The following BTBD1 variants were observed in gnomAD, a reference collection of about 807,000 sequenced individuals.
BTBD1 encodes BTB domain containing 1, also known as BTB/POZ domain-containing protein 1.
Under a neutral mutation model 48.0 loss-of-function variants are expected in BTBD1, and 34 were observed. The observed-to-expected ratio is 0.71, with a 90% CI of 0.54 to 0.94. The LOEUF (loss-of-function observed/expected upper bound fraction) is 0.94. Ranked by LOEUF, BTBD1 falls within the 40% of genes least tolerant of loss-of-function variation. The probability of loss-of-function intolerance (pLI) is 0.00; values close to 1 mark genes in which losing one functional copy is unlikely to be tolerated. For synonymous variants in BTBD1, 261 were observed against 242.1 expected (o/e 1.08, Z -0.72); for missense variants, 543 against 625.6 (o/e 0.87, Z 1.41).
intron 1 of BTBD1, among the ~76,000 whole-genome samples, chr15:83,059,150 A>C (rs1397912661): frequency 6.6e-6 from 1 of 152,170 alleles, no homozygotes; most frequent in Non-Finnish European, 1.5e-5. Context: ...AAACTCATCT[A>C]ATTATCAGAT....
chr15:83,029,253 A>G (rs371980051), intron 5 of BTBD1, among the ~76,000 whole-genome samples: 69 of 152,356 alleles, frequency 4.5e-4, no homozygotes, highest in African/African-American at 1.6e-3. Context: ...CTGAAGTGCT[A>G]TTAAATAAAT....
Position 83,030,327 on chromosome 15 carries a change from A to T in BTBD1, c.864T>A (p.Gly288=). The T allele has an allele frequency of 6.2e-7, 1 of 1,602,888 alleles. No individual in the cohort carries two copies. The highest frequency in any genetic ancestry group is 1.1e-5 in the South Asian group (1 of 89,848). The part of the protein sequence containing the change: ...PLMTIEEFAA[G]PAQSGILSDR... ...CTGACAAAATTCCAGATTGAGCAGG[A>T]CCTGTGGAAATAAAAACATAAGCCT... The change falls in exon 5 of 8, where the codon GGT becomes GGA. Residue 288 remains glycine (G), a splice_region_variant and synonymous_variant. Coordinates refer to ENST00000261721, the MANE Select transcript of BTBD1 (RefSeq NM_025238.4).
At chr15:83,059,247 A>G (rs1411042346) in intron 1 of BTBD1, among the ~76,000 whole-genome samples, 1 of 152,130 alleles carries the variant, frequency 6.6e-6, no homozygotes, top group Non-Finnish European at 1.5e-5. Flanking sequence ...AGCTGCTCAG[A>G]TAATTAAAAC....
intron 2 of BTBD1, among the ~76,000 whole-genome samples, chr15:83,054,589 G>GTT (rs2033050188): frequency 6.9e-6 from 1 of 145,058 alleles, no homozygotes; most frequent in Non-Finnish European, 1.5e-5. Context: ...TTGAGACAGA[G>GTT]TTTCGCTCTG....
chr15:83,050,510 C>A (rs567922298), intron 2 of BTBD1, among the ~76,000 whole-genome samples: 106 of 151,296 alleles, frequency 7.0e-4, no homozygotes, highest in Middle Eastern at 3.2e-3. Flanking sequence ...CCTTAATGAA[C>A]CCTTTATGTT....
intron 2 of BTBD1, among the ~76,000 whole-genome samples, chr15:83,055,117 A>G (rs2033060978): frequency 6.6e-6 from 1 of 152,232 alleles, no homozygotes; most frequent in Non-Finnish European, 1.5e-5. Flanking sequence ...GTCTAAAAAG[A>G]AAAAAACTGT....
At chr15:83,036,806 C>T (rs563702612) in intron 4 of BTBD1, among the ~76,000 whole-genome samples, 2 of 152,170 alleles carry the variant, frequency 1.3e-5, no homozygotes, top group African/African-American at 4.8e-5. Context: ...AGAAGCCACA[C>T]AAAAATGAAT....
chr15:83,016,522 T>C lies in BTBD1; in HGVS notation c.*1545A>G, dbSNP rs1364428323. ...GTTTCTTGTCCCTTTTATGGCTGCA[T>C]GCAGTTTCAATTGTTCAGTACAACA... is the stretch of plus-strand genomic sequence containing the variant. On this transcript the variant is annotated 3_prime_UTR_variant, in exon 8 of 8. Transcript: ENST00000261721. The C allele has an allele frequency of 6.6e-6, 1 of 151,882 alleles. No individual in the cohort carries two copies. The highest frequency in any genetic ancestry group is 1.9e-4 in the East Asian group (1 of 5,200). 9.4% of individuals were successfully genotyped at this position (151,882 alleles called of 1,614,324 possible). A position where few individuals can be genotyped will look rare whatever the true frequency, so the allele number is the denominator to read the frequency against.
chr15:83,066,157 G>T (rs2033265324), intron 1 of BTBD1, among the ~76,000 whole-genome samples: 1 of 151,982 alleles, frequency 6.6e-6, no homozygotes, highest in Non-Finnish European at 1.5e-5. Flanking sequence ...AAATTAGCCG[G>T]GCGTGGTGGC....
intron 5 of BTBD1, among the ~76,000 whole-genome samples, chr15:83,023,363 G>C (rs1370514544): frequency 6.6e-6 from 1 of 152,082 alleles, no homozygotes; most frequent in Non-Finnish European, 1.5e-5. Context: ...GAAAATAAAA[G>C]GCACATTCTT....
chr15:83,021,821 T>C (rs908228383), intron 5 of BTBD1, among the ~76,000 whole-genome samples: 2 of 151,948 alleles, frequency 1.3e-5, no homozygotes, highest in Non-Finnish European at 2.9e-5. Flanking sequence ...ATGTCTTACA[T>C]TGCAAAATTA....
Position 83,042,348 on chromosome 15 carries a change from TTATA to T in BTBD1, c.665-427_665-424del, listed in dbSNP as rs61294242. On this transcript the variant is annotated intron_variant, in intron 3 of 7. Coordinates refer to ENST00000261721, the MANE Select transcript of BTBD1 (RefSeq NM_025238.4). ...ACGTGCCAGGTACTATTAGGCAATTTTATATATATATATATATATATATATATAT... is the reference window on the plus strand; with the variant it reads ...ACGTGCCAGGTACTATTAGGCAATTTTATATATATATATATATATATATAT... Among the ~76,000 whole-genome samples, 269 of 109,868 alleles carry T rather than the reference TTATA, an allele frequency of 2.4e-3. 7 individuals carry two copies. Among genetic ancestry groups the T allele is most frequent in the African/African-American group, 5.7e-3 (154 of 26,944 alleles). The allele number at this position is 109,868 out of a possible 152,430, so 72.1% of individuals were successfully genotyped here. A position where few individuals can be genotyped will look rare whatever the true frequency, so the allele number is the denominator to read the frequency against.
At chr15:83,032,346 G>C (rs1272504703) in intron 4 of BTBD1, among the ~76,000 whole-genome samples, 2 of 151,286 alleles carry the variant, frequency 1.3e-5, no homozygotes, top group Admixed American at 1.3e-4. Context: ...ACTAAAATTA[G>C]AACTACCATT....
intron 1 of BTBD1, among the ~76,000 whole-genome samples, chr15:83,059,983 G>T (rs561733085): frequency 6.6e-6 from 1 of 152,142 alleles, no homozygotes; most frequent in Non-Finnish European, 1.5e-5. Context: ...GTTCTTTTGG[G>T]TGCACTGCAA....
intron 1 of BTBD1, among the ~76,000 whole-genome samples, chr15:83,062,496 T>C (rs1010915612): frequency 1.3e-5 from 2 of 152,202 alleles, no homozygotes; most frequent in African/African-American, 2.4e-5. Flanking sequence ...ATAGCATTAA[T>C]ATGGCAAAAG....
chr15:83,060,850 T>C (rs919045634), intron 1 of BTBD1, among the ~76,000 whole-genome samples: 1 of 152,150 alleles, frequency 6.6e-6, no homozygotes, highest in Non-Finnish European at 1.5e-5. Flanking sequence ...GAATACTTGA[T>C]TTTATATAAG....
At chr15:83,028,747 C>G (rs1157324959) in intron 5 of BTBD1, 2 of 152,016 alleles carry the variant, frequency 1.3e-5, no homozygotes, top group African/African-American at 4.8e-5. Context: ...TGATCCATTC[C>G]ATCAACATGT....
At chr15:83,065,435 C>A (rs1028632119) in intron 1 of BTBD1, among the ~76,000 whole-genome samples, 2 of 152,168 alleles carry the variant, frequency 1.3e-5, no homozygotes, top group South Asian at 4.1e-4. Context: ...TGTCCTTTAT[C>A]CATTCGTCAA....
At chr15:83,064,531 C>T (rs923673094) in intron 1 of BTBD1, among the ~76,000 whole-genome samples, 2 of 151,986 alleles carry the variant, frequency 1.3e-5, no homozygotes, top group African/African-American at 4.8e-5. Flanking sequence ...ATGTATTTTT[C>T]CTCTACATTC....
Sources: allele counts gnomAD v4.1 joint callset (sites outside exome capture counted in the v4.1 genomes callset), GRCh38; gene constraint gnomAD v4.1.1; transcripts MANE v1.5; gene names NCBI Gene and HGNC (gene_info 2026-07-23, HGNC 2026-07-21).